The following PTPRT variants were observed in gnomAD, a reference collection of about 807,000 sequenced individuals.
PTPRT encodes the protein receptor-type tyrosine-protein phosphatase T.
In PTPRT, 56 loss-of-function variants were observed where a neutral mutation model predicts 176.8. The observed-to-expected ratio is 0.32, with a 90% confidence interval of 0.26 to 0.40. The LOEUF (loss-of-function observed/expected upper bound fraction) is 0.40, where lower values mean the gene tolerates loss of function less well. Among genes scored for constraint, PTPRT ranks in the 10% least tolerant of loss-of-function variants. The probability of loss-of-function intolerance (pLI) is 1.00; values close to 1 mark genes in which losing one functional copy is unlikely to be tolerated. For synonymous variants in PTPRT, 783 were observed against 739.0 expected, an observed-to-expected ratio of 1.06 and a Z score of -0.96; for missense variants, 1,540 against 1,908.2, an observed-to-expected ratio of 0.81 and a Z score of 3.60.
At chr20:43,122,401 G>A (rs752890270) in intron 1 of PTPRT, among the ~76,000 whole-genome samples, 24 of 152,150 alleles carry the variant, frequency 1.6e-4, no homozygotes, top group South Asian at 8.3e-4. Flanking sequence ...CTCAGTCCTA[G>A]AAAGGCCTGT....
intron 11 of PTPRT, among the ~76,000 whole-genome samples, chr20:42,337,611 A>G (rs2058058738): frequency 2.0e-5 from 3 of 152,174 alleles, no homozygotes; most frequent in Non-Finnish European, 1.5e-5. Context: ...GACTGTACAC[A>G]CATGAGCATC....
chr20:42,755,177 T>A (rs1471605903), intron 6 of PTPRT, among the ~76,000 whole-genome samples: 1 of 152,106 alleles, frequency 6.6e-6, no homozygotes, highest in Non-Finnish European at 1.5e-5. Flanking sequence ...AGCTGAGACC[T>A]GAATGATGGC....
chr20:42,379,911 A>G (rs1474663415), intron 9 of PTPRT, among the ~76,000 whole-genome samples: 1 of 152,186 alleles, frequency 6.6e-6, no homozygotes, highest in East Asian at 1.9e-4. Context: ...GCATTTTCTC[A>G]TGGGCTTTCA....
intron 7 of PTPRT, among the ~76,000 whole-genome samples, chr20:42,671,505 C>A (rs1009268806): frequency 6.6e-6 from 1 of 152,182 alleles, no homozygotes; most frequent in African/African-American, 2.4e-5. Flanking sequence ...AGATCCCAGA[C>A]CACAGCATGA....
chr20:42,617,081 T>A lies in PTPRT; in HGVS notation c.1153+60785A>T, dbSNP rs1419515484. ...TATGATATTGGCTGTGGGTTTGTCATAGATAGCTCTTATTATTTTGAAATA... is the reference window on the plus strand; with the variant it reads ...TATGATATTGGCTGTGGGTTTGTCAAAGATAGCTCTTATTATTTTGAAATA... On this transcript the variant is annotated intron_variant, in intron 7 of 30. Transcript: ENST00000373187. Among the ~76,000 whole-genome samples the A allele has an allele frequency of 4.4e-5, 6 of 137,244 alleles. 2 individuals carry two copies. The highest frequency in any genetic ancestry group is 1.4e-4 in the Admixed American group (2 of 14,444). 90.0% of individuals were successfully genotyped at this position (137,244 alleles called of 152,430 possible).
chr20:43,172,546 T>C lies in PTPRT; in HGVS notation c.88+17100A>G, dbSNP rs143630636. Reference sequence around the variant, plus strand: ...CTCCATCCTGGGCAAACGAGGACAATTGGTCACCCCAGCCACGCACTCTTA... The same window carrying C: ...CTCCATCCTGGGCAAACGAGGACAACTGGTCACCCCAGCCACGCACTCTTA... On this transcript the variant is annotated intron_variant, in intron 1 of 30. Transcript: ENST00000373187. Among the ~76,000 whole-genome samples, 610 of 152,274 alleles carry C rather than the reference T, an allele frequency of 4.0e-3. 4 individuals carry two copies. Among genetic ancestry groups the C allele is most frequent in the African/African-American group, 0.014 (568 of 41,534 alleles).
chr20:42,515,767 G>T (rs563671457), intron 7 of PTPRT, among the ~76,000 whole-genome samples: 9 of 151,934 alleles, frequency 5.9e-5, no homozygotes, highest in Middle Eastern at 3.4e-3. Context: ...TATACCCAAA[G>T]GACTATAAAT....
chr20:42,867,390 AT>A (rs761289845), intron 2 of PTPRT, among the ~76,000 whole-genome samples: 1,674 of 102,192 alleles, frequency 0.016, 12 homozygotes, highest in Non-Finnish European at 0.021. Flanking sequence ...AAGAACACAG[AT>A]TTTTTTTTTT....
At chr20:42,858,053 T>C (rs1431969286) in intron 2 of PTPRT, among the ~76,000 whole-genome samples, 2 of 152,222 alleles carry the variant, frequency 1.3e-5, no homozygotes, top group Non-Finnish European at 2.9e-5. Context: ...AGGCCCTCAG[T>C]ACATGTTTGT....
At chr20:42,733,374 A>G (rs966487298) in intron 6 of PTPRT, among the ~76,000 whole-genome samples, 5 of 152,226 alleles carry the variant, frequency 3.3e-5, no homozygotes, top group Non-Finnish European at 5.9e-5. Context: ...AGGAATTCCC[A>G]CGGCATGCGC....
intron 4 of PTPRT, among the ~76,000 whole-genome samples, chr20:42,777,997 G>A (rs532676955): frequency 1.3e-5 from 2 of 152,240 alleles, no homozygotes; most frequent in South Asian, 2.1e-4. Flanking sequence ...CCAGGATCAC[G>A]CCTTCCTGAG....
At chr20:42,988,821 G>A (rs999544658) in intron 1 of PTPRT, among the ~76,000 whole-genome samples, 1 of 152,140 alleles carries the variant, frequency 6.6e-6, no homozygotes, top group African/African-American at 2.4e-5. Context: ...GCAACCATTC[G>A]ACGAGGTGAC....
chr20:43,003,637 A>G (rs1984706642), intron 1 of PTPRT, among the ~76,000 whole-genome samples: 1 of 152,228 alleles, frequency 6.6e-6, no homozygotes, highest in African/African-American at 2.4e-5. Context: ...ACAGATTTTT[A>G]AAAACTTTTA....
At chr20:42,406,550 A>G (rs992933552) in intron 9 of PTPRT, among the ~76,000 whole-genome samples, 2 of 151,908 alleles carry the variant, frequency 1.3e-5, no homozygotes, top group Non-Finnish European at 1.5e-5. Flanking sequence ...TTTTTTCCAA[A>G]TGATTTTAAA....
At chr20:42,585,905 C>CAT (rs550226262) in intron 7 of PTPRT, among the ~76,000 whole-genome samples, 168 of 152,056 alleles carry the variant, frequency 1.1e-3, no homozygotes, top group African/African-American at 3.9e-3. Flanking sequence ...AACATATTGA[C>CAT]ATATATATAT....
chr20:42,271,165 C>T (rs2056927755), intron 13 of PTPRT, among the ~76,000 whole-genome samples: 1 of 152,148 alleles, frequency 6.6e-6, no homozygotes, highest in South Asian at 2.1e-4. Context: ...AATCTCCTGC[C>T]CACCCCTCTG....
At chr20:42,363,764 C>G (rs892480700) in intron 9 of PTPRT, among the ~76,000 whole-genome samples, 1 of 152,058 alleles carries the variant, frequency 6.6e-6, no homozygotes, top group Non-Finnish European at 1.5e-5. Flanking sequence ...GATGAGAAAA[C>G]TGAGACTTAA....
chr20:42,874,056 C>T (rs2078889690), intron 2 of PTPRT, among the ~76,000 whole-genome samples: 1 of 152,166 alleles, frequency 6.6e-6, no homozygotes, highest in Non-Finnish European at 1.5e-5. Context: ...GGAGCTCTAG[C>T]CCCTGCAGCA....
At chr20:43,013,556 G>T (rs1048246156) in intron 1 of PTPRT, among the ~76,000 whole-genome samples, 1 of 152,164 alleles carries the variant, frequency 6.6e-6, no homozygotes. Flanking sequence ...ATATCTGGAA[G>T]TGGTCTACCC....
Sources: gnomAD v4.1 joint callset for allele counts (sites outside exome capture counted in the v4.1 genomes callset) on GRCh38, gnomAD v4.1.1 for gene constraint, MANE v1.5 for transcripts, NCBI Gene and HGNC (gene_info 2026-07-23, HGNC 2026-07-21) for gene names.